The following ASPH variants were observed in gnomAD, a reference collection of about 807,000 sequenced individuals.
The protein encoded by ASPH is aspartate beta-hydroxylase.
A neutral mutation model predicts 118.4 loss-of-function variants in ASPH; 100 were observed. The observed-to-expected ratio is 0.84, with a 90% CI of 0.72 to 1.00. ASPH has a LOEUF of 1.00. Among genes scored for constraint, ASPH ranks in the 50% least tolerant of loss-of-function variants. The probability of loss-of-function intolerance (pLI) is 0.00; values close to 1 mark genes in which losing one functional copy is unlikely to be tolerated. For synonymous variants in ASPH, 315 were observed against 325.6 expected (o/e 0.97, Z 0.35); for missense variants, 920 against 919.5 (o/e 1.00, Z -0.01).
chr8:61,617,209 G>A (rs972110679), intron 14 of ASPH, among the ~76,000 whole-genome samples: 1 of 152,074 alleles, frequency 6.6e-6, no homozygotes, highest in Non-Finnish European at 1.5e-5. Context: ...GTGTATATGG[G>A]GAAATGCTCC....
intron 16 of ASPH, among the ~76,000 whole-genome samples, chr8:61,575,865 CT>C (rs1834967680): frequency 6.6e-6 from 1 of 152,148 alleles, no homozygotes. Flanking sequence ...GGTACCACCC[CT>C]ATAGGCAAAA....
At chr8:61,632,722 C>T (rs1856138062) in intron 13 of ASPH, 2 of 428,344 alleles carry the variant, frequency 4.7e-6, no homozygotes, top group Non-Finnish European at 9.1e-6. Flanking sequence ...AAACCTAAGG[C>T]ATCCCACATA....
At chr8:61,516,166 A>C (rs778089263) in intron 24 of ASPH, among the ~76,000 whole-genome samples, 1 of 152,190 alleles carries the variant, frequency 6.6e-6, no homozygotes, top group Non-Finnish European at 1.5e-5. Context: ...ACTGTTCCAG[A>C]ATACCCCTCT....
chr8:61,597,393 A>G (rs1444955352), intron 14 of ASPH, among the ~76,000 whole-genome samples: 1 of 152,096 alleles, frequency 6.6e-6, no homozygotes, highest in Non-Finnish European at 1.5e-5. Context: ...TACATAATAT[A>G]TGTGACACCA....
chr8:61,537,189 A>T (rs2130013595), intron 21 of ASPH, among the ~76,000 whole-genome samples: 1 of 152,330 alleles, frequency 6.6e-6, no homozygotes, highest in South Asian at 2.1e-4. Flanking sequence ...TAAAGGGAAG[A>T]TGGGGAGCTG....
intron 15 of ASPH, chr8:61,578,112 T>C (rs1835958841): frequency 8.3e-7 from 1 of 1,201,570 alleles, no homozygotes; most frequent in Admixed American, 2.7e-5. Flanking sequence ...AGGTATTGGA[T>C]AAATGCTCCC....
chr8:61,510,024 G>A (rs1808205408), intron 24 of ASPH, among the ~76,000 whole-genome samples: 1 of 152,148 alleles, frequency 6.6e-6, no homozygotes, highest in Non-Finnish European at 1.5e-5. Flanking sequence ...CCAGTGTTAT[G>A]AGAGTGCTTG....
At chr8:61,508,761 A>G (rs746695590) in intron 24 of ASPH, among the ~76,000 whole-genome samples, 4 of 152,262 alleles carry the variant, frequency 2.6e-5, no homozygotes, top group Non-Finnish European at 5.9e-5. Flanking sequence ...GTCAAGAGAC[A>G]TTCTTAGTGT....
intron 1 of ASPH, among the ~76,000 whole-genome samples, chr8:61,698,262 G>T (rs1834401169): frequency 6.6e-6 from 1 of 152,256 alleles, no homozygotes. Context: ...CTTAGTGTTT[G>T]CCATATTTGA....
At chr8:61,650,265 C>G (rs1257633033) in intron 5 of ASPH, among the ~76,000 whole-genome samples, 1 of 152,148 alleles carries the variant, frequency 6.6e-6, no homozygotes, top group Non-Finnish European at 1.5e-5. Flanking sequence ...TAAAGGCATA[C>G]AGGCTCCTAC....
intron 24 of ASPH, 105 bp downstream of exon 24, chr8:61,517,423 C>T: frequency 6.8e-7 from 1 of 1,475,296 alleles, no homozygotes. Context: ...CTCCAGTCTA[C>T]TTCAGCTACA....
chr8:61,554,008 G>A (rs1362464476), intron 19 of ASPH, among the ~76,000 whole-genome samples: 1 of 152,190 alleles, frequency 6.6e-6, no homozygotes, highest in Non-Finnish European at 1.5e-5. Flanking sequence ...GCTGTGGCGA[G>A]GGCTTCTAAT....
intron 15 of ASPH, chr8:61,579,363 C>G: frequency 6.2e-7 from 1 of 1,614,116 alleles, no homozygotes; most frequent in African/African-American, 1.3e-5. Context: ...GAACGTCAAG[C>G]TGGCCCTGGA....
At chr8:61,645,619 C>A (rs1287862406) in intron 6 of ASPH, among the ~76,000 whole-genome samples, 1 of 152,170 alleles carries the variant, frequency 6.6e-6, no homozygotes, top group East Asian at 1.9e-4. Flanking sequence ...ATGTGTAATG[C>A]AGCAAAAATA....
intron 15 of ASPH, chr8:61,579,420 C>T (rs1016123729): frequency 1.3e-4 from 214 of 1,612,926 alleles, no homozygotes; most frequent in Non-Finnish European, 1.7e-4. Flanking sequence ...CAAAGAGAGC[C>T]GGCTGAAGTC....
chr8:61,510,868 A>C (rs1336076634), intron 24 of ASPH, among the ~76,000 whole-genome samples: 1 of 152,224 alleles, frequency 6.6e-6, no homozygotes, highest in Non-Finnish European at 1.5e-5. Context: ...GTCACACTGC[A>C]ATGCAGATGA....
intron 21 of ASPH, among the ~76,000 whole-genome samples, chr8:61,543,618 G>A (rs989645075): frequency 6.6e-6 from 1 of 152,084 alleles, no homozygotes; most frequent in Non-Finnish European, 1.5e-5. Context: ...CAGCATCAGG[G>A]CCCCTCACAG....
chr8:61,584,631 CCTTCT>C (rs879634261), intron 14 of ASPH, among the ~76,000 whole-genome samples: 76,003 of 136,190 alleles, frequency 0.56, 22,173 homozygotes, highest in Non-Finnish European at 0.68. Flanking sequence ...TTCTTTCTTT[CCTTCT>C]TTCTTTCTTT....
intron 14 of ASPH, among the ~76,000 whole-genome samples, chr8:61,603,364 T>G (rs1450523944): frequency 1.3e-5 from 2 of 152,216 alleles, no homozygotes; most frequent in Non-Finnish European, 2.9e-5. Flanking sequence ...AAGACAGCAA[T>G]TCGTTTTGTG....
Sources: allele counts gnomAD v4.1 joint callset (sites outside exome capture counted in the v4.1 genomes callset), GRCh38; gene constraint gnomAD v4.1.1; transcripts MANE v1.5; gene names NCBI Gene and HGNC (gene_info 2026-07-23, HGNC 2026-07-21).